Variants in CPNE8 observed in about 807,000 individuals in gnomAD.
CPNE8 encodes copine 8, also known as copine-8.
In CPNE8, 45 loss-of-function variants were observed where a neutral mutation model predicts 81.5. The ratio of observed to expected loss-of-function variants is 0.55; its 90% confidence interval spans 0.44 to 0.71. The LOEUF is 0.71. Ranked by LOEUF, CPNE8 falls within the 30% of genes least tolerant of loss-of-function variation. The pLI, the probability that CPNE8 is intolerant of heterozygous loss-of-function variation, is 0.00. For synonymous variants in CPNE8, 252 were observed against 226.3 expected (o/e 1.11, Z -1.02); for missense variants, 594 against 672.1 (o/e 0.88, Z 1.28).
At chr12:38,815,589 T>G (rs1943011318) in intron 6 of CPNE8, among the ~76,000 whole-genome samples, 1 of 152,218 alleles carries the variant, frequency 6.6e-6, no homozygotes, top group South Asian at 2.1e-4. Flanking sequence ...TTTTAATAAA[T>G]TCGCTGTCAC....
chr12:38,868,952 A>ATTT (rs1387696291), intron 3 of CPNE8, among the ~76,000 whole-genome samples: 2 of 152,140 alleles, frequency 1.3e-5, no homozygotes, highest in Admixed American at 6.6e-5. Context: ...TAAAAAAGCA[A>ATTT]TTTTCCACTG....
chr12:38,904,574 T>G (rs928159499), intron 1 of CPNE8, among the ~76,000 whole-genome samples: 1 of 151,294 alleles, frequency 6.6e-6, no homozygotes, highest in Non-Finnish European at 1.5e-5. Flanking sequence ...GTTCAAGCGA[T>G]TCTCCTGTCT....
At chr12:38,752,318 T>C (rs1296835021) in intron 10 of CPNE8, among the ~76,000 whole-genome samples, 2 of 152,174 alleles carry the variant, frequency 1.3e-5, no homozygotes, top group Non-Finnish European at 2.9e-5. Flanking sequence ...TCAAGAGATG[T>C]AAATCAATAA....
intron 11 of CPNE8, chr12:38,726,379 T>C (rs1346301589): frequency 6.6e-6 from 1 of 152,180 alleles, no homozygotes; most frequent in Non-Finnish European, 1.5e-5. Context: ...GTATTATTTA[T>C]TGTGTATTTC....
chr12:38,719,464 G>A (rs528702785), intron 13 of CPNE8, among the ~76,000 whole-genome samples: 3 of 151,900 alleles, frequency 2.0e-5, no homozygotes, highest in Non-Finnish European at 1.5e-5. Context: ...TTAGCTGGGC[G>A]TGGTGGCACA....
intron 6 of CPNE8, among the ~76,000 whole-genome samples, chr12:38,815,568 C>T (rs1395699719): frequency 1.3e-5 from 2 of 152,114 alleles, no homozygotes; most frequent in East Asian, 1.9e-4. Flanking sequence ...AACAACATGT[C>T]ATTTCTAAGA....
intron 13 of CPNE8, among the ~76,000 whole-genome samples, chr12:38,722,104 T>C (rs1940579602): frequency 6.6e-6 from 1 of 152,122 alleles, no homozygotes; most frequent in Non-Finnish European, 1.5e-5. Flanking sequence ...GGCCAGAGGT[T>C]TCAGGCCAGA....
chr12:38,892,285 A>C (rs1481752827), intron 1 of CPNE8, among the ~76,000 whole-genome samples: 1 of 152,244 alleles, frequency 6.6e-6, no homozygotes, highest in African/African-American at 2.4e-5. Context: ...CTCTGAACAC[A>C]TGCTAGCATA....
chr12:38,718,040 TAA>T (rs34731684), intron 13 of CPNE8, among the ~76,000 whole-genome samples: 1 of 145,552 alleles, frequency 6.9e-6, no homozygotes, highest in South Asian at 2.2e-4. Flanking sequence ...AGGGCATCTT[TAA>T]AAAAAAAAAG....
chr12:38,719,787 A>T (rs1356381886), intron 13 of CPNE8, among the ~76,000 whole-genome samples: 1 of 152,148 alleles, frequency 6.6e-6, no homozygotes, highest in Non-Finnish European at 1.5e-5. Flanking sequence ...TAATAGTTAA[A>T]TGTATAACTG....
At chr12:38,659,348 A>G (rs1239766085) in intron 19 of CPNE8, among the ~76,000 whole-genome samples, 2 of 152,218 alleles carry the variant, frequency 1.3e-5, no homozygotes, top group African/African-American at 2.4e-5. Flanking sequence ...AAGAAGAGCT[A>G]ACTATCCTAA....
intron 3 of CPNE8, among the ~76,000 whole-genome samples, chr12:38,853,146 A>C (rs191280555): frequency 6.6e-6 from 1 of 152,344 alleles, no homozygotes; most frequent in East Asian, 1.9e-4. Flanking sequence ...TTAGCTATCA[A>C]CCAAGTGATT....
chr12:38,796,610 G>A (rs986176049), intron 6 of CPNE8, among the ~76,000 whole-genome samples: 16 of 152,128 alleles, frequency 1.1e-4, no homozygotes, highest in South Asian at 2.1e-4. Flanking sequence ...AGCTCCCAGC[G>A]TGAGTGACGC....
chr12:38,662,936 T>C (rs11169031), intron 19 of CPNE8, among the ~76,000 whole-genome samples: 45,147 of 151,932 alleles, frequency 0.3, 8,667 homozygotes, highest in Non-Finnish European at 0.42. Context: ...TGGATATCCA[T>C]ATGCAGAAGA....
In CPNE8 at chr12:38,904,464, T is replaced by G. The variant is rs866621327; in HGVS notation, c.98+973A>C. Among the ~76,000 whole-genome samples the G allele has an allele frequency of 4.1e-4, 54 of 131,862 alleles. No homozygotes were observed. The South Asian group carries it at 0.013, about 31-fold the overall frequency. The allele number at this position is 131,862 out of a possible 152,430, so 86.5% of individuals were successfully genotyped here. On this transcript the variant is annotated intron_variant, in intron 1 of 19. Coordinates refer to ENST00000331366, the MANE Select transcript of CPNE8 (RefSeq NM_153634.3). ...TCTGGACAGGGTTGAAAGTCAGTTT[T>G]TTTTTGTTTTTTTTTTTTTTTTGAG... is the stretch of plus-strand genomic sequence containing the variant.
At chr12:38,860,385 C>CAAAAAAAAAAAA (rs36025286) in intron 3 of CPNE8, among the ~76,000 whole-genome samples, 1 of 111,316 alleles carries the variant, frequency 9.0e-6, no homozygotes, top group Admixed American at 9.8e-5. Context: ...TGGCTATTAT[C>CAAAAAAAAAAAA]AAAAAAAAAA....
At chr12:38,664,107 G>A (rs1299915261) in intron 19 of CPNE8, among the ~76,000 whole-genome samples, 1 of 151,942 alleles carries the variant, frequency 6.6e-6, no homozygotes, top group Non-Finnish European at 1.5e-5. Context: ...GAATATTTTT[G>A]AATAGCTAGA....
chr12:38,723,784 T>A lies in CPNE8; in HGVS notation c.902A>T (p.Tyr301Phe). 1 of 1,583,900 alleles carries A rather than the reference T, an allele frequency of 6.3e-7. No individual in the cohort carries two copies. Among genetic ancestry groups the A allele is most frequent in the Non-Finnish European group, 8.6e-7 (1 of 1,156,270 alleles). The change falls in exon 13 of 20, where the codon TAC becomes TTC. Residue 301 changes from tyrosine to phenylalanine, a missense_variant. Tyr to Phe is a conservative substitution (Grantham distance 22). Transcript: ENST00000331366. ...LVETEVSFLDYIKGGTQINFT... is the reference protein window; with the variant it reads ...LVETEVSFLDFIKGGTQINFT... ...GAGAATTACTTACCCTCCCTTAATG[T>A]AGTCAAGGAATGAAACTTCTGTTTC... is the stretch of plus-strand genomic sequence containing the variant.
chr12:38,829,834 G>T (rs1350705796), intron 5 of CPNE8, among the ~76,000 whole-genome samples: 1 of 152,190 alleles, frequency 6.6e-6, no homozygotes, highest in Admixed American at 6.5e-5. Context: ...CCACAGCAGA[G>T]GTGGCTAATC....
Sources: gnomAD v4.1 joint callset for allele counts (sites outside exome capture counted in the v4.1 genomes callset) on GRCh38, gnomAD v4.1.1 for gene constraint, MANE v1.5 for transcripts, NCBI Gene and HGNC (gene_info 2026-07-23, HGNC 2026-07-21) for gene names.